The following OSBPL11 variants were observed in gnomAD, a reference collection of about 807,000 sequenced individuals.
OSBPL11 encodes oxysterol binding protein like 11, also known as oxysterol-binding protein-related protein 11.
A neutral mutation model predicts 84.4 loss-of-function variants in OSBPL11; 33 were observed. That is an observed-to-expected ratio of 0.39 (90% CI 0.30 to 0.52). The LOEUF (loss-of-function observed/expected upper bound fraction) is 0.52. Among genes scored for constraint, OSBPL11 ranks in the 20% least tolerant of loss-of-function variants. The pLI is 0.72. For synonymous variants in OSBPL11, 276 were observed against 310.2 expected (o/e 0.89, Z 1.16); for missense variants, 736 against 901.1 (o/e 0.82, Z 2.35).
At chr3:125,579,805 A>G in intron 3 of OSBPL11, 60 bp downstream of exon 3, 2 of 1,493,378 alleles carry the variant, frequency 1.3e-6, no homozygotes, top group Non-Finnish European at 1.9e-6. Context: ...AGCATGTAAG[A>G]CACCAACTTC....
At chr3:125,548,740 C>T (rs1935855959) in intron 9 of OSBPL11, among the ~76,000 whole-genome samples, 1 of 152,056 alleles carries the variant, frequency 6.6e-6, no homozygotes, top group South Asian at 2.1e-4. Flanking sequence ...TTAATAAATG[C>T]TCGTTAAGCA....
intron 1 of OSBPL11, among the ~76,000 whole-genome samples, chr3:125,584,964 A>G (rs934523799): frequency 4.6e-5 from 7 of 151,830 alleles, no homozygotes; most frequent in African/African-American, 1.7e-4. Flanking sequence ...TTTTGTGGGG[A>G]TGGGGGGGTC....
intron 8 of OSBPL11, 116 bp downstream of exon 8, chr3:125,560,263 A>G (rs1936055704): frequency 9.7e-7 from 1 of 1,031,682 alleles, no homozygotes; most frequent in South Asian, 3.9e-5. Flanking sequence ...CTCCATCTCA[A>G]AAAAAATTAA....
At chr3:125,535,045 A>G (rs539141914) in intron 11 of OSBPL11, among the ~76,000 whole-genome samples, 22 of 150,452 alleles carry the variant, frequency 1.5e-4, no homozygotes, top group Admixed American at 8.6e-4. Flanking sequence ...ATGAGAAAGA[A>G]AACAAACATA....
In OSBPL11 at chr3:125,594,720, G is replaced by A. The variant is rs574571932; in HGVS notation, c.81C>T (p.Thr27=). The A allele has an allele frequency of 6.8e-6, 11 of 1,613,980 alleles. No homozygotes were observed. Among genetic ancestry groups the A allele is most frequent in the Non-Finnish European group, 9.3e-6 (11 of 1,180,046 alleles). The stretch of plus-strand genomic sequence containing the variant: ...CTCCACAGCTGCTGTTCTTGTTCGG[G>A]GTCACCGCTGTGGCCTGGCCCTCCA... ...GKLEGQATAV[T]PNKNSSCGGG... Residue 27 remains threonine, a synonymous_variant, in exon 1 of 13, where the codon ACC becomes ACT. Coordinates refer to ENST00000296220, the MANE Select transcript of OSBPL11 (RefSeq NM_022776.5).
At chr3:125,583,396 C>T (rs1231454763) in intron 1 of OSBPL11, among the ~76,000 whole-genome samples, 1 of 151,774 alleles carries the variant, frequency 6.6e-6, no homozygotes, top group African/African-American at 2.4e-5. Context: ...GCCTGGTCAA[C>T]ATGGCGAAAA....
chr3:125,586,204 G>A (rs1318770435), intron 1 of OSBPL11, among the ~76,000 whole-genome samples: 1 of 152,132 alleles, frequency 6.6e-6, no homozygotes, highest in South Asian at 2.1e-4. Flanking sequence ...ATACTATTTT[G>A]TGTTCTATAA....
intron 8 of OSBPL11, among the ~76,000 whole-genome samples, chr3:125,556,411 G>A (rs530308811): frequency 1.1e-4 from 16 of 152,236 alleles, no homozygotes; most frequent in South Asian, 1.0e-3. Context: ...TCATTTCCCC[G>A]AAAGAAGCCT....
intron 8 of OSBPL11, among the ~76,000 whole-genome samples, chr3:125,553,310 T>A (rs1412359739): frequency 6.6e-6 from 1 of 152,164 alleles, no homozygotes; most frequent in African/African-American, 2.4e-5. Flanking sequence ...TAAAATTAAA[T>A]TGTAGATGAA....
chr3:125,533,386 G>A (rs572500768), intron 11 of OSBPL11, among the ~76,000 whole-genome samples: 8 of 151,952 alleles, frequency 5.3e-5, no homozygotes, highest in South Asian at 4.2e-4. Flanking sequence ...CACCATGCCC[G>A]GCTAATTTTT....
At chr3:125,571,603 T>C (rs1266109897) in intron 5 of OSBPL11, among the ~76,000 whole-genome samples, 1 of 151,818 alleles carries the variant, frequency 6.6e-6, no homozygotes, top group African/African-American at 2.4e-5. Context: ...GTGTCCCAGG[T>C]GCTCCAGCCA....
chr3:125,567,211 C>CA (rs1167451470), intron 6 of OSBPL11, among the ~76,000 whole-genome samples, 183 bp downstream of exon 6: 1 of 151,664 alleles, frequency 6.6e-6, no homozygotes, highest in East Asian at 1.9e-4. Flanking sequence ...ATTTTAGATT[C>CA]AAAAAAAGGA....
intron 11 of OSBPL11, among the ~76,000 whole-genome samples, chr3:125,533,961 G>A (rs1223934430): frequency 6.6e-6 from 1 of 152,154 alleles, no homozygotes; most frequent in African/African-American, 2.4e-5. Context: ...TGAGTAGCTG[G>A]CATTACAGGC....
At chr3:125,570,211 T>C (rs1936222752) in intron 5 of OSBPL11, among the ~76,000 whole-genome samples, 1 of 150,714 alleles carries the variant, frequency 6.6e-6, no homozygotes, top group Non-Finnish European at 1.5e-5. Flanking sequence ...TGTTCTTAGC[T>C]AGAAAAAATA....
intron 10 of OSBPL11, among the ~76,000 whole-genome samples, chr3:125,545,292 G>A (rs1027289226): frequency 1.3e-5 from 2 of 152,164 alleles, no homozygotes; most frequent in South Asian, 2.1e-4. Context: ...TGCTTCCTTC[G>A]TCAGACTTTG....
chr3:125,558,038 C>A (rs2107598301), intron 8 of OSBPL11, among the ~76,000 whole-genome samples: 1 of 152,224 alleles, frequency 6.6e-6, no homozygotes, highest in African/African-American at 2.4e-5. Context: ...ATGTAATCCA[C>A]CTGCCTTGGC....
At chr3:125,543,546 A>T (rs1343031116) in intron 10 of OSBPL11, among the ~76,000 whole-genome samples, 1 of 152,194 alleles carries the variant, frequency 6.6e-6, no homozygotes, top group Admixed American at 6.5e-5. Context: ...CAAAAGCTCT[A>T]GTTTCATTGG....
At chr3:125,540,211 C>G (rs4300965) in intron 10 of OSBPL11, among the ~76,000 whole-genome samples, 1 of 151,876 alleles carries the variant, frequency 6.6e-6, no homozygotes, top group South Asian at 2.1e-4. Flanking sequence ...GGCCTGTAGT[C>G]TCAGCTACTC....
intron 1 of OSBPL11, among the ~76,000 whole-genome samples, chr3:125,587,364 A>T (rs1193156290): frequency 6.6e-6 from 1 of 152,220 alleles, no homozygotes; most frequent in Non-Finnish European, 1.5e-5. Flanking sequence ...AAATTTAATG[A>T]ACCTGCAGGA....
Sources: gnomAD v4.1 joint callset for allele counts (sites outside exome capture counted in the v4.1 genomes callset) on GRCh38, gnomAD v4.1.1 for gene constraint, MANE v1.5 for transcripts, NCBI Gene and HGNC (gene_info 2026-07-23, HGNC 2026-07-21) for gene names.